The following FBXW8 variants were observed in gnomAD, a reference collection of about 807,000 sequenced individuals.
The protein encoded by FBXW8 is F-box and WD repeat domain containing 8, also known as F-box/WD repeat-containing protein 8.
Under a neutral mutation model 65.3 loss-of-function variants are expected in FBXW8, and 57 were observed. That is an observed-to-expected ratio of 0.87 (90% CI 0.71 to 1.09). The LOEUF is 1.09. Among genes scored for constraint, FBXW8 ranks in the 50% least tolerant of loss-of-function variants. The probability of loss-of-function intolerance (pLI) is 0.00; values close to 1 mark genes in which losing one functional copy is unlikely to be tolerated. For synonymous variants in FBXW8, 308 were observed against 330.2 expected (o/e 0.93, Z 0.73); for missense variants, 777 against 814.8 (o/e 0.95, Z 0.57).
intron 4 of FBXW8, 32 bp downstream of exon 4, chr12:116,949,738 C>A (rs751213188): frequency 2.1e-5 from 34 of 1,595,734 alleles, no homozygotes; most frequent in Non-Finnish European, 2.8e-5. Flanking sequence ...GAGTGCTCTG[C>A]ATCTGAAGGT....
chr12:116,996,783 C>T (rs892108479), intron 7 of FBXW8, among the ~76,000 whole-genome samples: 18 of 152,060 alleles, frequency 1.2e-4, no homozygotes, highest in African/African-American at 2.4e-5. Flanking sequence ...TGAGGGTTGC[C>T]GTCATTGTTA....
intron 8 of FBXW8, among the ~76,000 whole-genome samples, chr12:117,018,327 G>A (rs1327597104): frequency 6.6e-6 from 1 of 152,166 alleles, no homozygotes; most frequent in Non-Finnish European, 1.5e-5. Flanking sequence ...TGAAATACTC[G>A]CTAGATGGGG....
chr12:116,988,799 G>A lies in FBXW8; in HGVS notation c.1169G>A (p.Cys390Tyr). 9 of 1,614,206 alleles carry A rather than the reference G, an allele frequency of 5.6e-6. No homozygotes were observed. The highest frequency in any genetic ancestry group is 1.6e-4 in the Middle Eastern group (1 of 6,062). Residue 390 changes from cysteine (C) to tyrosine (Y), a missense_variant, in exon 7 of 11, where the codon TGT becomes TAT. Cys to Tyr is a radical substitution (Grantham distance 194). Transcript: ENST00000652555. ...LLYAHGPPVT[C>Y]LDVSANQVAF... ...TACGCCCACGGCCCGCCTGTCACAT[G>A]TCTAGACGTCTCGGCCAACCAAGTT... is the stretch of plus-strand genomic sequence containing the variant.
At chr12:116,988,499 C>T (rs935117809) in intron 6 of FBXW8, among the ~76,000 whole-genome samples, 164 bp from the exon 7 acceptor site, 1 of 152,130 alleles carries the variant, frequency 6.6e-6, no homozygotes, top group Non-Finnish European at 1.5e-5. Flanking sequence ...AGCATCTTTT[C>T]TGTTGTGTAA....
intron 8 of FBXW8, among the ~76,000 whole-genome samples, chr12:117,022,068 C>T (rs2135723351): frequency 6.6e-6 from 1 of 152,286 alleles, no homozygotes; most frequent in African/African-American, 2.4e-5. Flanking sequence ...TCCTCCTTTT[C>T]CTAGGCTGTG....
chr12:116,935,546 C>G (rs1310428874), intron 2 of FBXW8, among the ~76,000 whole-genome samples: 1 of 152,180 alleles, frequency 6.6e-6, no homozygotes, highest in Admixed American at 6.5e-5. Flanking sequence ...ATGCTCAAGA[C>G]CCAAGTGCCC....
At chr12:116,996,111 A>G (rs553154459) in intron 7 of FBXW8, among the ~76,000 whole-genome samples, 17 of 152,298 alleles carry the variant, frequency 1.1e-4, no homozygotes, top group East Asian at 1.9e-4. Context: ...GCATCATTCT[A>G]TGTATTTGGA....
chr12:116,989,350 G>A (rs999053190), intron 7 of FBXW8, among the ~76,000 whole-genome samples: 12 of 152,168 alleles, frequency 7.9e-5, no homozygotes, highest in African/African-American at 2.4e-4. Flanking sequence ...TGCTTTCACT[G>A]TGTTGGCTGC....
chr12:117,027,744 C>T (rs113498638), intron 10 of FBXW8, among the ~76,000 whole-genome samples: 2 of 152,348 alleles, frequency 1.3e-5, no homozygotes, highest in East Asian at 1.9e-4. Context: ...GAGGGCAAGC[C>T]GTATGCTGAG....
intron 7 of FBXW8, among the ~76,000 whole-genome samples, chr12:116,998,780 A>G (rs76205850): frequency 0.015 from 2,273 of 152,332 alleles, 51 homozygotes; most frequent in African/African-American, 0.046. Context: ...CTTCCCCTGC[A>G]TGTCCAGACA....
At chr12:116,972,396 G>A (rs963792034) in intron 5 of FBXW8, among the ~76,000 whole-genome samples, 5 of 152,144 alleles carry the variant, frequency 3.3e-5, no homozygotes, top group Non-Finnish European at 5.9e-5. Flanking sequence ...TGGTTGTAGC[G>A]TTTATTTCAT....
At chr12:116,940,524 A>T (rs1251064953) in intron 2 of FBXW8, among the ~76,000 whole-genome samples, 1 of 127,606 alleles carries the variant, frequency 7.8e-6, no homozygotes, top group African/African-American at 3.4e-5. Context: ...GTTTGTGTTT[A>T]AAAAAAAAAA....
At chr12:116,912,297 C>T (rs1203157843) in intron 1 of FBXW8, among the ~76,000 whole-genome samples, 1 of 151,670 alleles carries the variant, frequency 6.6e-6, no homozygotes, top group African/African-American at 2.4e-5. Flanking sequence ...AAGCCATCCT[C>T]TTCCCTCAGC....
chr12:116,952,882 CG>C (rs1470787994), intron 4 of FBXW8, among the ~76,000 whole-genome samples: 1 of 152,060 alleles, frequency 6.6e-6, no homozygotes, highest in Admixed American at 6.6e-5. Flanking sequence ...GGACTACGGG[CG>C]TGTGCCACCA....
chr12:116,940,228 C>T (rs1882465570), intron 2 of FBXW8, among the ~76,000 whole-genome samples: 1 of 151,316 alleles, frequency 6.6e-6, no homozygotes, highest in Non-Finnish European at 1.5e-5. Flanking sequence ...AGAGCTAGAG[C>T]CCTATCTTTA....
intron 7 of FBXW8, 92 bp downstream of exon 7, chr12:116,988,961 T>C: frequency 8.2e-7 from 1 of 1,221,494 alleles, no homozygotes; most frequent in Non-Finnish European, 1.2e-6. Flanking sequence ...TCAATATTTT[T>C]CCAGATATAT....
intron 2 of FBXW8, among the ~76,000 whole-genome samples, chr12:116,941,220 A>T (rs1006364196): frequency 1.3e-5 from 2 of 152,184 alleles, no homozygotes; most frequent in Non-Finnish European, 2.9e-5. Context: ...TTGGCCAGGG[A>T]TGCAGTGGGG....
chr12:117,009,263 C>T (rs1233080757), intron 7 of FBXW8, among the ~76,000 whole-genome samples: 2 of 152,042 alleles, frequency 1.3e-5, no homozygotes, highest in Non-Finnish European at 1.5e-5. Context: ...CGTGGTGTTA[C>T]ACACACATGG....
intron 5 of FBXW8, chr12:116,979,474 A>C (rs1009498462): frequency 6.6e-6 from 1 of 152,352 alleles, no homozygotes; most frequent in Non-Finnish European, 1.5e-5. Context: ...TCCTGAGCCC[A>C]GGGAGCAGGT....
Sources: allele counts gnomAD v4.1 joint callset (sites outside exome capture counted in the v4.1 genomes callset), GRCh38; gene constraint gnomAD v4.1.1; transcripts MANE v1.5; gene names NCBI Gene and HGNC (gene_info 2026-07-23, HGNC 2026-07-21).